Variants in RBBP6 observed in about 807,000 individuals in gnomAD.
RBBP6 encodes the protein RB binding protein 6, ubiquitin ligase.
RBBP6 carries 25 observed loss-of-function variants against 167.7 expected under a neutral mutation model. That is an observed-to-expected ratio of 0.15 (90% CI 0.11 to 0.21). The LOEUF (loss-of-function observed/expected upper bound fraction) is 0.21. Among genes scored for constraint, RBBP6 ranks in the 10% least tolerant of loss-of-function variants. RBBP6 has a pLI of 1.00. For synonymous variants in RBBP6, 789 were observed against 735.8 expected (o/e 1.07, Z -1.17); for missense variants, 1,868 against 2,134.2 (o/e 0.88, Z 2.46).
intron 7 of RBBP6, chr16:24,558,394 T>TTTTTC (rs766710696): frequency 2.3e-4 from 183 of 808,472 alleles, no homozygotes; most frequent in Non-Finnish European, 2.6e-4. Context: ...CTTTTTTTTT[T>TTTTTC]TTTTCTTTTT....
Position 24,555,878 on chromosome 16 carries a change from T to G in RBBP6, c.495T>G (p.Gly165=). The G allele has an allele frequency of 6.2e-7, 1 of 1,610,302 alleles. No homozygotes were observed. The part of the protein sequence containing the change: ...PPPSYTCFRC[G]KPGHYIKNCP... ...CATCTTACACGTGTTTCCGTTGTGG[T>G]AAACCTGGACATTATATTAAGAATT... The change falls in exon 6 of 18, where the codon GGT becomes GGG. Residue 165 remains glycine, a synonymous_variant. Transcript: ENST00000319715.
In RBBP6 at chr16:24,560,861, A is replaced by T. The variant is rs190075226; in HGVS notation, c.848-751A>T. Among the ~76,000 whole-genome samples, 125 of 152,322 alleles carry T rather than the reference A, an allele frequency of 8.2e-4. 4 individuals carry two copies. In the East Asian group the frequency reaches 0.017, roughly 21 times the overall value. Reference sequence around the variant, plus strand: ...AGTTGAGTGACTTGAGCATCTACAGACGTTATCTTCAGAGGGTTCTGGAAC... The same window carrying T: ...AGTTGAGTGACTTGAGCATCTACAGTCGTTATCTTCAGAGGGTTCTGGAAC... On this transcript the variant is annotated intron_variant, in intron 8 of 17. Coordinates refer to ENST00000319715, the MANE Select transcript of RBBP6 (RefSeq NM_006910.5).
intron 9 of RBBP6, 31 bp from the exon 10 acceptor site, chr16:24,561,793 T>G: frequency 3.1e-6 from 5 of 1,605,898 alleles, no homozygotes; most frequent in Non-Finnish European, 4.3e-6. Context: ...TGCATAACAT[T>G]TTTCTGCATT....
At position 24,540,672 on chromosome 16, in the gene RBBP6, A is replaced by G; in HGVS notation, c.46A>G (p.Thr16Ala). ...YKFSSKLNYDTVTFDGLHISL... is the reference protein window; with the variant it reads ...YKFSSKLNYDAVTFDGLHISL... ...ATTTTCCTCTAAACTCAACTATGAT[A>G]CCGTCACCTTTGATGGGCTCCACAT... The change falls in exon 1 of 18, where the codon ACC becomes GCC. Residue 16 changes from threonine to alanine, a missense_variant. Around this residue, in one of 7 missense-constraint regions of RBBP6, gnomAD observed 184 missense variants for 327.7 expected, o/e 0.56. Coordinates refer to ENST00000319715, the MANE Select transcript of RBBP6 (RefSeq NM_006910.5). 6.2e-7 allele frequency: 1 copy of G among 1,614,150 alleles called. No homozygotes were observed. Among genetic ancestry groups the G allele is most frequent in the South Asian group, 1.1e-5 (1 of 91,086 alleles).
In RBBP6 at chr16:24,562,074, A is replaced by G. The variant is rs763238449; in HGVS notation, c.1202A>G (p.Asn401Ser). Residue 401 changes from asparagine (N) to serine (S), a missense_variant, in exon 10 of 18, where the codon AAT (asparagine) becomes AGT (serine). Physicochemically the swap from Asn to Ser is conservative, Grantham distance 46. Around this residue, in one of 7 missense-constraint regions of RBBP6, gnomAD observed 245 missense variants for 240.1 expected, o/e 1.02. Coordinates refer to ENST00000319715, the MANE Select transcript of RBBP6 (RefSeq NM_006910.5). The stretch of plus-strand genomic sequence containing the variant: ...TCCTTGGCCCCTCCTGTGTCTGGAA[A>G]TCCGTCTTCTGCTCCAGCTCCTGTA... ...QSSLAPPVSG[N>S]PSSAPAPVPD... 3.1e-6 allele frequency: 5 copies of G among 1,613,366 alleles called. No homozygotes were observed. In the African/African-American group the frequency reaches 5.3e-5, roughly 17 times the overall value.
chr16:24,542,937 T>C (rs532917299), intron 1 of RBBP6, among the ~76,000 whole-genome samples: 1 of 152,288 alleles, frequency 6.6e-6, no homozygotes, highest in South Asian at 2.1e-4. Flanking sequence ...TGAACTGCCC[T>C]TTATTGGAGA....
At position 24,562,053 on chromosome 16, in the gene RBBP6, T is replaced by G; in HGVS notation, c.1181T>G (p.Leu394Trp). The change falls in exon 10 of 18, where the codon TTG (leucine) becomes TGG (tryptophan). Residue 394 changes from leucine to tryptophan, a missense_variant. By Grantham distance (61) the Leu-to-Trp change is moderately conservative (BLOSUM62 -2). Transcript: ENST00000319715. ...TCATTAACTTCTAATCAGTCTTCCT[T>G]GGCCCCTCCTGTGTCTGGAAATCCG... The part of the protein sequence containing the change: ...ISSLTSNQSS[L>W]APPVSGNPSS... 1.2e-6 allele frequency: 2 copies of G among 1,612,758 alleles called. No homozygotes were observed. Among genetic ancestry groups the G allele is most frequent in the Non-Finnish European group, 1.7e-6 (2 of 1,178,750 alleles).
rs539639815 is a variant in RBBP6 at position 24,556,030 on chromosome 16, G to T, written c.534+113G>T. The T allele has an allele frequency of 6.4e-5, 68 of 1,066,706 alleles. No individual in the cohort carries two copies. In the African/African-American group the frequency reaches 1.0e-3, roughly 16 times the overall value. The allele number at this position is 1,066,706 out of a possible 1,614,324, so 66.1% of individuals were successfully genotyped here. On this transcript the variant is annotated intron_variant, in intron 6 of 17. Transcript: ENST00000319715. ...GCCTTCTGTAGACAATGGCAAATGA[G>T]CATGGTCTCTGGAGCCAAATTTGCC...
At position 24,569,695 on chromosome 16, in the gene RBBP6, C is replaced by G. The variant is rs1477465112; in HGVS notation, c.3005C>G (p.Ser1002Cys). 1 of 1,613,628 alleles carries G rather than the reference C, an allele frequency of 6.2e-7. No homozygotes were observed. Among genetic ancestry groups the G allele is most frequent in the Admixed American group, 1.7e-5 (1 of 59,970 alleles). ...GAATCAATCACTTTTAAATCAGTGTCTGAAAAAGACAAGAGAGAAAGGGAT... is the reference window on the plus strand; with the variant it reads ...GAATCAATCACTTTTAAATCAGTGTGTGAAAAAGACAAGAGAGAAAGGGAT... The part of the protein sequence containing the change: ...DAESITFKSV[S>C]EKDKRERDKP... Residue 1002 changes from serine (S) to cysteine (C), a missense_variant, in exon 17 of 18, where the codon TCT (serine) becomes TGT (cysteine). Coordinates refer to ENST00000319715, the MANE Select transcript of RBBP6 (RefSeq NM_006910.5).
rs1251274957 is a variant in RBBP6 at position 24,571,712 on chromosome 16, A to T, written c.4646A>T (p.Tyr1549Phe). ...AAACCTCATGATCACAAAGCCACTTATGATACTAAACGGCCAAATGAAGAG... is the reference window on the plus strand; with the variant it reads ...AAACCTCATGATCACAAAGCCACTTTTGATACTAAACGGCCAAATGAAGAG... ...DRKPHDHKAT[Y>F]DTKRPNEETK... Residue 1549 changes from tyrosine (Y) to phenylalanine (F), a missense_variant, in exon 18 of 18, where the codon TAT becomes TTT. By Grantham distance (22) the Tyr-to-Phe change is conservative (BLOSUM62 3). Around this residue, in one of 7 missense-constraint regions of RBBP6, gnomAD observed 591 missense variants for 540.5 expected, o/e 1.09. Transcript: ENST00000319715. 3.1e-6 allele frequency: 5 copies of T among 1,614,212 alleles called. No individual in the cohort carries two copies. The highest frequency in any genetic ancestry group is 4.2e-6 in the Non-Finnish European group (5 of 1,180,038).
chr16:24,567,081 A>G, intron 14 of RBBP6, 62 bp from the exon 15 acceptor site: 5 of 1,500,390 alleles, frequency 3.3e-6, no homozygotes, highest in Non-Finnish European at 4.5e-6. Context: ...AGAAGAGATA[A>G]GCTTACTTGT....
At chr16:24,562,193 C>A in intron 10 of RBBP6, 32 bp downstream of exon 10, 2 of 1,525,246 alleles carry the variant, frequency 1.3e-6, no homozygotes, top group South Asian at 1.1e-5. Flanking sequence ...TGTTAGAAAC[C>A]AAATGAGGTC....
At chr16:24,556,255 T>A in intron 6 of RBBP6, 53 bp from the exon 7 acceptor site, 1 of 1,411,012 alleles carries the variant, frequency 7.1e-7, no homozygotes, top group South Asian at 1.2e-5. Flanking sequence ...ATTTATTAAA[T>A]AAAGATAACT....
At chr16:24,564,529 T>C (rs2141474252) in intron 13 of RBBP6, among the ~76,000 whole-genome samples, 2 of 152,374 alleles carry the variant, frequency 1.3e-5, no homozygotes, top group Middle Eastern at 6.8e-3. Flanking sequence ...GAGTAATTTA[T>C]AGAGTGCTAA....
chr16:24,565,650 C>T (rs1487312725), intron 14 of RBBP6, among the ~76,000 whole-genome samples: 2 of 150,240 alleles, frequency 1.3e-5, no homozygotes, highest in Admixed American at 6.5e-5. Context: ...CAGTTTTTAC[C>T]CCCCTGCCCC....
rs1348187657 is a variant in RBBP6 at position 24,546,077 on chromosome 16, A to C, written c.167-86A>C. 2.7e-6 allele frequency: 4 copies of C among 1,458,936 alleles called. No homozygotes were observed. The Admixed American group carries it at 1.2e-4, about 45-fold the overall frequency. 90.4% of individuals were successfully genotyped at this position (1,458,936 alleles called of 1,614,324 possible). ...GTTATTATATTTAAAGTCATTTCCC[A>C]TGAAATTTATATTTGAAGTTTTCTA... is the stretch of plus-strand genomic sequence containing the variant. On this transcript the variant is annotated intron_variant, in intron 1 of 17. Transcript: ENST00000319715.
At chr16:24,543,132 C>T (rs957212488) in intron 1 of RBBP6, among the ~76,000 whole-genome samples, 1 of 152,044 alleles carries the variant, frequency 6.6e-6, no homozygotes, top group Non-Finnish European at 1.5e-5. Flanking sequence ...CACCGATATT[C>T]AACATATTTA....
Position 24,564,821 on chromosome 16 carries a change from T to C in RBBP6, c.1545T>C (p.Val515=). 6.2e-7 allele frequency: 1 copy of C among 1,612,980 alleles called. No homozygotes were observed. Among genetic ancestry groups the C allele is most frequent in the Non-Finnish European group, 8.5e-7 (1 of 1,179,244 alleles). ...GTTCCAACAAACTTGGCTATCTGGT[T>C]TCTCCACCACAACAAATTAGAAGAG... ...WEHSNKLGYL[V]SPPQQIRRGE... The change falls in exon 14 of 18, where the codon GTT becomes GTC. Residue 515 remains valine, a synonymous_variant. Transcript: ENST00000319715.
chr16:24,560,282 A>AT (rs1280100134), intron 8 of RBBP6, among the ~76,000 whole-genome samples: 1 of 151,882 alleles, frequency 6.6e-6, no homozygotes, highest in Admixed American at 6.6e-5. Context: ...AATGTTTTGT[A>AT]TTTTTAGTAG....
Sources: allele counts gnomAD v4.1 joint callset (sites outside exome capture counted in the v4.1 genomes callset), GRCh38; gene constraint gnomAD v4.1.1; regional missense constraint gnomAD v4.1.1; transcripts MANE v1.5; gene names NCBI Gene and HGNC (gene_info 2026-07-23, HGNC 2026-07-21).